SPACA7: variants seen among roughly 807,000 people sequenced by gnomAD.
SPACA7 encodes sperm acrosome-associated protein 7.
In SPACA7, 19 loss-of-function variants were observed where a neutral mutation model predicts 26.3. That is an observed-to-expected ratio of 0.72 (90% confidence interval 0.50 to 1.06). The LOEUF (loss-of-function observed/expected upper bound fraction) is 1.06. Among genes scored for constraint, SPACA7 ranks in the 50% least tolerant of loss-of-function variants. The pLI is 0.00. For missense variants in SPACA7, 211 were observed against 229.9 expected, an observed-to-expected ratio of 0.92 and a Z score of 0.53; for synonymous variants, 84 against 84.5, an observed-to-expected ratio of 0.99 and a Z score of 0.04.
chr13:112,423,419 A>G (rs4907525), intron 5 of SPACA7, among the ~76,000 whole-genome samples: 37,436 of 152,130 alleles, frequency 0.25, 5,819 homozygotes, highest in Non-Finnish European at 0.35. Context: ...AAACAGGCAA[A>G]GTTGTCCAAT....
At position 112,432,454 on chromosome 13, in the gene SPACA7, AAAG is replaced by A; in HGVS notation, c.459_461del (p.Lys153del). ...TTGTTTTCCCCACAGAAAAGAATTCAAAGAACACTCAGTATGAAAATCTATCCA... is the reference window on the plus strand; with the variant it reads ...TTGTTTTCCCCACAGAAAAGAATTCAAACACTCAGTATGAAAATCTATCCA... On this transcript the variant is annotated inframe_deletion, in exon 6 of 7. Transcript: ENST00000283550. 1.9e-6 allele frequency: 3 copies of A among 1,608,826 alleles called. No individual in the cohort carries two copies. Among genetic ancestry groups the A allele is most frequent in the Non-Finnish European group, 2.6e-6 (3 of 1,175,128 alleles).
intron 5 of SPACA7, among the ~76,000 whole-genome samples, chr13:112,427,026 T>G (rs1159337296): frequency 6.6e-6 from 1 of 152,228 alleles, no homozygotes; most frequent in Middle Eastern, 3.2e-3. Flanking sequence ...TTTTATACAT[T>G]CCTTTTGTTG....
chr13:112,386,859 AG>A (rs1884560030), intron 1 of SPACA7, among the ~76,000 whole-genome samples: 1 of 152,184 alleles, frequency 6.6e-6, no homozygotes, highest in African/African-American at 2.4e-5. Flanking sequence ...ACTTTACCAA[AG>A]GTAACCTCCT....
chr13:112,398,181 G>C, intron 3 of SPACA7, 43 bp downstream of exon 3: 1 of 1,444,214 alleles, frequency 6.9e-7, no homozygotes, highest in Non-Finnish European at 9.7e-7. Context: ...CCCTCTAATT[G>C]CCCTTATTCC....
At chr13:112,400,140 G>A (rs1277633942) in intron 4 of SPACA7, among the ~76,000 whole-genome samples, 1 of 152,034 alleles carries the variant, frequency 6.6e-6, no homozygotes, top group Non-Finnish European at 1.5e-5. Context: ...CCACACACAG[G>A]ACCAGGTCAC....
intron 5 of SPACA7, 122 bp downstream of exon 5, chr13:112,401,286 A>T: frequency 1.4e-6 from 1 of 691,136 alleles, no homozygotes; most frequent in Non-Finnish European, 2.5e-6. Flanking sequence ...TTCCACCAAC[A>T]TCATGGTGAG....
At chr13:112,428,781 A>C (rs1876786769) in intron 5 of SPACA7, among the ~76,000 whole-genome samples, 1 of 152,202 alleles carries the variant, frequency 6.6e-6, no homozygotes. Flanking sequence ...GTGCTTTAGC[A>C]AATATTCCAA....
chr13:112,400,265 G>A (rs1007659414), intron 4 of SPACA7, among the ~76,000 whole-genome samples: 1 of 152,128 alleles, frequency 6.6e-6, no homozygotes, highest in African/African-American at 2.4e-5. Flanking sequence ...TCTGGAGTTG[G>A]GAAAGATTGA....
chr13:112,400,700 G>T (rs1374011818), intron 4 of SPACA7, among the ~76,000 whole-genome samples: 1 of 152,078 alleles, frequency 6.6e-6, no homozygotes, highest in East Asian at 1.9e-4. Flanking sequence ...TCCTACCCCA[G>T]TTCTGCAGTC....
chr13:112,378,325 G>A (rs956016149), intron 1 of SPACA7, among the ~76,000 whole-genome samples: 2 of 152,156 alleles, frequency 1.3e-5, no homozygotes, highest in African/African-American at 4.8e-5. Context: ...ACTCACAAGG[G>A]TGTGCTACCA....
Position 112,401,203 on chromosome 13 carries a change from A to G in SPACA7, c.445+39A>G, listed in dbSNP as rs768924575. Reference sequence around the variant, plus strand: ...GCCCACACTGAGAGCTCTGTGGGAGAGACGGAGGCATGAGTGTGTGAGGTG... The same window carrying G: ...GCCCACACTGAGAGCTCTGTGGGAGGGACGGAGGCATGAGTGTGTGAGGTG... On this transcript the variant is annotated intron_variant, in intron 5 of 6. Transcript: ENST00000283550. 8.7e-6 allele frequency: 13 copies of G among 1,497,866 alleles called. No homozygotes were observed. The East Asian group carries it at 2.7e-4, about 31-fold the overall frequency. The allele number at this position is 1,497,866 out of a possible 1,614,324, so 92.8% of individuals were successfully genotyped here.
In SPACA7 at chr13:112,398,148, A is replaced by G. The variant is rs1449987023; in HGVS notation, c.241+10A>G. 2 of 1,605,078 alleles carry G rather than the reference A, an allele frequency of 1.2e-6. No homozygotes were observed. The highest frequency in any genetic ancestry group is 1.7e-6 in the Non-Finnish European group (2 of 1,171,924). ...TTATCAACACCGTTACGTAAGGAGAAAAGCAAGCACACCCCTTTCTAACCC... is the reference window on the plus strand; with the variant it reads ...TTATCAACACCGTTACGTAAGGAGAGAAGCAAGCACACCCCTTTCTAACCC... On this transcript the variant is annotated intron_variant, in intron 3 of 6. Coordinates refer to ENST00000283550, the MANE Select transcript of SPACA7 (RefSeq NM_145248.5).
intron 5 of SPACA7, among the ~76,000 whole-genome samples, chr13:112,406,173 A>G (rs568410422): frequency 1.3e-5 from 2 of 152,288 alleles, no homozygotes; most frequent in African/African-American, 2.4e-5. Context: ...ATGCTGTCTA[A>G]CCATCACCAC....
chr13:112,385,131 C>T lies in SPACA7; in HGVS notation c.95-7890C>T, dbSNP rs9604309. ...CTACAGAAAAAAGCTAATTAAATCT[C>T]AGCCAACTTGTTTAAACCCACAGAA... is the stretch of plus-strand genomic sequence containing the variant. On this transcript the variant is annotated intron_variant, in intron 1 of 6. Transcript: ENST00000283550. Among the ~76,000 whole-genome samples, 1,212 of 152,306 alleles carry T rather than the reference C, an allele frequency of 8.0e-3. 15 individuals are homozygous for T. Among genetic ancestry groups the T allele is most frequent in the African/African-American group, 0.028 (1,165 of 41,572 alleles).
chr13:112,410,384 T>C (rs1162989217), intron 5 of SPACA7, among the ~76,000 whole-genome samples: 1 of 151,932 alleles, frequency 6.6e-6, no homozygotes, highest in Non-Finnish European at 1.5e-5. Context: ...TATATATATA[T>C]ATTCCTTGTT....
intron 1 of SPACA7, chr13:112,382,466 C>T (rs1884139952): frequency 8.4e-6 from 13 of 1,550,294 alleles, no homozygotes; most frequent in Non-Finnish European, 1.0e-5. Flanking sequence ...TGGCTTCTTC[C>T]CACTGACAGG....
intron 1 of SPACA7, among the ~76,000 whole-genome samples, chr13:112,389,174 A>G (rs1884719554): frequency 6.6e-6 from 1 of 152,214 alleles, no homozygotes; most frequent in African/African-American, 2.4e-5. Context: ...TTTATACTAT[A>G]AACTATGAAC....
chr13:112,413,993 A>T (rs932626700), intron 5 of SPACA7, among the ~76,000 whole-genome samples: 1 of 152,132 alleles, frequency 6.6e-6, no homozygotes, highest in Non-Finnish European at 1.5e-5. Context: ...GTGATCAGAG[A>T]GGGAGCAAGA....
chr13:112,404,079 A>G (rs1885821034), intron 5 of SPACA7, among the ~76,000 whole-genome samples: 1 of 152,080 alleles, frequency 6.6e-6, no homozygotes. Context: ...CATCCACATC[A>G]CCATCTATTA....
Sources: gnomAD v4.1 joint callset for allele counts (sites outside exome capture counted in the v4.1 genomes callset) on GRCh38, gnomAD v4.1.1 for gene constraint, MANE v1.5 for transcripts, NCBI Gene and HGNC (gene_info 2026-07-23, HGNC 2026-07-21) for gene names.